Variants in TMEM132D observed in about 807,000 individuals in gnomAD.
The protein encoded by TMEM132D is transmembrane protein 132D, also known as mature OL transmembrane protein.
Under a neutral mutation model 62.3 loss-of-function variants are expected in TMEM132D, and 21 were observed. That is an observed-to-expected ratio of 0.34 (90% confidence interval 0.24 to 0.49). The LOEUF (loss-of-function observed/expected upper bound fraction) is 0.49, where lower values mean the gene tolerates loss of function less well. Among genes scored for constraint, TMEM132D ranks in the 20% least tolerant of loss-of-function variants. The pLI is 0.99. For missense variants in TMEM132D, 1,346 were observed against 1,402.8 expected, an observed-to-expected ratio of 0.96 and a Z score of 0.65; for synonymous variants, 621 against 575.6, an observed-to-expected ratio of 1.08 and a Z score of -1.13.
At chr12:129,561,818 T>C (rs1306543524) in intron 2 of TMEM132D, among the ~76,000 whole-genome samples, 1 of 151,676 alleles carries the variant, frequency 6.6e-6, no homozygotes, top group Admixed American at 6.6e-5. Flanking sequence ...TCTCAGGAGG[T>C]TTTCAGAAAT....
chr12:129,392,080 G>A (rs541696472), intron 3 of TMEM132D, among the ~76,000 whole-genome samples: 4 of 144,810 alleles, frequency 2.8e-5, no homozygotes, highest in Non-Finnish European at 6.0e-5. Flanking sequence ...TTTTTGAGAT[G>A]GAGTTTCACT....
chr12:129,737,806 A>G (rs1378140991), intron 1 of TMEM132D, among the ~76,000 whole-genome samples: 1 of 152,234 alleles, frequency 6.6e-6, no homozygotes, highest in African/African-American at 2.4e-5. Flanking sequence ...TTAACATTCA[A>G]AATACTCATT....
chr12:129,674,706 AT>A (rs1353625080), intron 2 of TMEM132D, among the ~76,000 whole-genome samples: 1 of 151,878 alleles, frequency 6.6e-6, no homozygotes, highest in Non-Finnish European at 1.5e-5. Flanking sequence ...CACCTGGCTA[AT>A]TTTTTGTATT....
rs7137053 is a variant in TMEM132D at position 129,820,247 on chromosome 12, G to A, written c.79+83014C>T. 7.8e-3 allele frequency among the ~76,000 whole-genome samples: 1,189 copies of A among 152,226 alleles called. 16 individuals are homozygous for A. Among genetic ancestry groups the A allele is most frequent in the African/African-American group, 0.027 (1,124 of 41,530 alleles). Reference sequence around the variant, plus strand: ...TTAGGGGCCAGTTGTTGCAAAGATGGTGCTCTTAACCCACTCAATGTCTTT... The same window carrying A: ...TTAGGGGCCAGTTGTTGCAAAGATGATGCTCTTAACCCACTCAATGTCTTT... On this transcript the variant is annotated intron_variant, in intron 1 of 8. Coordinates refer to ENST00000422113, the MANE Select transcript of TMEM132D (RefSeq NM_133448.3).
intron 2 of TMEM132D, among the ~76,000 whole-genome samples, chr12:129,636,731 TGTGTGTGA>T (rs1188654014): frequency 3.2e-5 from 4 of 125,620 alleles, no homozygotes; most frequent in African/African-American, 1.3e-4. Context: ...TGTGTGTGTG[TGTGTGTGA>T]GAGAGAGAGA....
chr12:129,286,191 C>T (rs1206882939), intron 4 of TMEM132D, among the ~76,000 whole-genome samples: 3 of 152,132 alleles, frequency 2.0e-5, no homozygotes, highest in Non-Finnish European at 2.9e-5. Context: ...ACCAGCCTGC[C>T]ACAATCTACT....
At chr12:129,687,220 A>G (rs1415120825) in intron 2 of TMEM132D, among the ~76,000 whole-genome samples, 1 of 152,146 alleles carries the variant, frequency 6.6e-6, no homozygotes. Flanking sequence ...CTTCAGGGAT[A>G]CTCATGCAAC....
At chr12:129,124,413 G>A (rs59297781) in intron 5 of TMEM132D, among the ~76,000 whole-genome samples, 4,441 of 152,202 alleles carry the variant, frequency 0.029, 221 homozygotes, top group African/African-American at 0.1. Context: ...GCCCAGTATC[G>A]TCTATGAGAT....
At chr12:129,778,414 G>A (rs1039676467) in intron 1 of TMEM132D, among the ~76,000 whole-genome samples, 2 of 152,080 alleles carry the variant, frequency 1.3e-5, no homozygotes, top group African/African-American at 4.8e-5. Context: ...ATTCAACGCA[G>A]CTGCCGATGG....
intron 4 of TMEM132D, among the ~76,000 whole-genome samples, chr12:129,240,917 T>C (rs1166598540): frequency 6.6e-6 from 1 of 152,012 alleles, no homozygotes; most frequent in Non-Finnish European, 1.5e-5. Context: ...CATCACCAAA[T>C]CCTCTTTATC....
chr12:129,893,998 C>A (rs187927482), intron 1 of TMEM132D, among the ~76,000 whole-genome samples: 5 of 152,342 alleles, frequency 3.3e-5, no homozygotes, highest in Admixed American at 3.3e-4. Flanking sequence ...CTCTGATCCC[C>A]ACCAGCATCA....
chr12:129,363,429 A>C (rs568135551), intron 3 of TMEM132D, among the ~76,000 whole-genome samples: 21 of 152,244 alleles, frequency 1.4e-4, no homozygotes, highest in Non-Finnish European at 2.5e-4. Flanking sequence ...AATGCTTTAC[A>C]TTCATTTGAA....
chr12:129,102,399 C>T (rs1478152784), intron 5 of TMEM132D, among the ~76,000 whole-genome samples: 1 of 151,468 alleles, frequency 6.6e-6, no homozygotes, highest in Non-Finnish European at 1.5e-5. Flanking sequence ...CATACACACA[C>T]AATGCACACA....
intron 1 of TMEM132D, among the ~76,000 whole-genome samples, chr12:129,764,272 C>G (rs932346444): frequency 6.6e-6 from 1 of 151,918 alleles, no homozygotes; most frequent in Non-Finnish European, 1.5e-5. Context: ...GTGTTGATAC[C>G]CCTTCAGCAT....
chr12:129,170,999 C>A (rs562150292), intron 5 of TMEM132D, among the ~76,000 whole-genome samples: 1 of 152,190 alleles, frequency 6.6e-6, no homozygotes, highest in Middle Eastern at 3.4e-3. Flanking sequence ...CTGCATTGAT[C>A]GACTCTTCCT....
chr12:129,636,776 G>A (rs1565931391), intron 2 of TMEM132D, among the ~76,000 whole-genome samples: 1 of 150,632 alleles, frequency 6.6e-6, no homozygotes, highest in Non-Finnish European at 1.5e-5. Context: ...GAAAGAAAGA[G>A]ATATCAATTT....
chr12:129,847,343 G>T (rs1873395001), intron 1 of TMEM132D, among the ~76,000 whole-genome samples: 1 of 152,124 alleles, frequency 6.6e-6, no homozygotes, highest in Non-Finnish European at 1.5e-5. Context: ...CCAGCCTTTT[G>T]TCTGCTGTGA....
intron 5 of TMEM132D, among the ~76,000 whole-genome samples, chr12:129,177,961 C>T (rs769201916): frequency 6.6e-6 from 1 of 152,076 alleles, no homozygotes; most frequent in Non-Finnish European, 1.5e-5. Context: ...TGTGTTGTTC[C>T]CCTCCCTGTG....
At chr12:129,319,456 G>A (rs987385188) in intron 4 of TMEM132D, among the ~76,000 whole-genome samples, 2 of 152,190 alleles carry the variant, frequency 1.3e-5, no homozygotes, top group African/African-American at 2.4e-5. Context: ...TATTCGGGGT[G>A]TCTCCTGATC....
Sources: allele counts gnomAD v4.1 joint callset (sites outside exome capture counted in the v4.1 genomes callset), GRCh38; gene constraint gnomAD v4.1.1; transcripts MANE v1.5; gene names NCBI Gene and HGNC (gene_info 2026-07-23, HGNC 2026-07-21).